MMP26: variants seen among roughly 807,000 people sequenced by gnomAD.
MMP26 encodes the protein matrix metallopeptidase 26.
MMP26 carries 33 observed loss-of-function variants against 31.0 expected under a neutral mutation model. The observed-to-expected ratio is 1.06, with a 90% confidence interval of 0.81 to 1.42. The LOEUF (loss-of-function observed/expected upper bound fraction) is 1.42. Among genes scored for constraint, MMP26 ranks in the 40% most tolerant of loss-of-function variants. The pLI is 0.00. For synonymous variants in MMP26, 122 were observed against 114.9 expected, an observed-to-expected ratio of 1.06 and a Z score of -0.40; for missense variants, 347 against 316.1, an observed-to-expected ratio of 1.10 and a Z score of -0.74.
At chr11:4,778,304 T>C (rs973596610) in intron 2 of MMP26, among the ~76,000 whole-genome samples, 4 of 152,088 alleles carry the variant, frequency 2.6e-5, no homozygotes, top group Non-Finnish European at 5.9e-5. Context: ...TTCCATTGAG[T>C]TGTGCCCTTT....
chr11:4,831,754 C>T (rs753218554), intron 2 of MMP26, among the ~76,000 whole-genome samples: 1 of 152,014 alleles, frequency 6.6e-6, no homozygotes, highest in Non-Finnish European at 1.5e-5. Flanking sequence ...TGACCACATG[C>T]GTGATAGTAG....
intron 2 of MMP26, among the ~76,000 whole-genome samples, chr11:4,811,072 A>G (rs181267357): frequency 1.3e-5 from 2 of 152,340 alleles, no homozygotes; most frequent in East Asian, 1.9e-4. Flanking sequence ...CTACAAAATC[A>G]GAAGTACCAT....
In MMP26 at chr11:4,949,580, A is replaced by G. The variant is rs143381614; in HGVS notation, c.-144-38488A>G. ...TAAAGCAGTTCCTATACAGAAAATT[A>G]TAGGTTAAATTTATTTATTAGGAAA... is the stretch of plus-strand genomic sequence containing the variant. On this transcript the variant is annotated intron_variant, in intron 2 of 7. Transcript: ENST00000380390. Among the ~76,000 whole-genome samples, 78 of 123,092 alleles carry G rather than the reference A, an allele frequency of 6.3e-4. 17 individuals carry two copies. The highest frequency in any genetic ancestry group is 2.1e-3 in the African/African-American group (76 of 36,606). The allele number at this position is 123,092 out of a possible 152,430, so 80.8% of individuals were successfully genotyped here.
At chr11:4,817,915 G>A (rs1376216163) in intron 2 of MMP26, among the ~76,000 whole-genome samples, 2 of 152,096 alleles carry the variant, frequency 1.3e-5, no homozygotes, top group Non-Finnish European at 2.9e-5. Flanking sequence ...TCCTCTGTTG[G>A]GAGCCAGGTA....
At chr11:4,895,605 A>G (rs544226545) in intron 2 of MMP26, among the ~76,000 whole-genome samples, 2 of 152,348 alleles carry the variant, frequency 1.3e-5, no homozygotes, top group East Asian at 3.9e-4. Flanking sequence ...AGTGAAGTGA[A>G]TAGTGCCAAC....
chr11:4,864,078 T>C (rs533874664), intron 2 of MMP26, among the ~76,000 whole-genome samples: 1 of 152,252 alleles, frequency 6.6e-6, no homozygotes, highest in African/African-American at 2.4e-5. Context: ...GATGACAGTG[T>C]TGCAATTTGA....
In MMP26 at chr11:4,821,238, C is replaced by T. The variant is rs1211151571; in HGVS notation, c.-145+53897C>T. ...TTCACTTTTCTCAATAAATGTGAAA[C>T]ACTGACAGACTTGGAGAGAAATGTG... On this transcript the variant is annotated intron_variant, in intron 2 of 7. Coordinates refer to ENST00000380390, the MANE Select transcript of MMP26 (RefSeq NM_021801.5). 7.5e-6 allele frequency: 5 copies of T among 670,690 alleles called. No homozygotes were observed. In the Admixed American group the frequency reaches 1.4e-4, roughly 19 times the overall value. 41.5% of individuals were successfully genotyped at this position (670,690 alleles called of 1,614,324 possible). A position where few individuals can be genotyped will look rare whatever the true frequency, so the allele number is the denominator to read the frequency against.
At chr11:4,925,280 C>T (rs886615923) in intron 2 of MMP26, among the ~76,000 whole-genome samples, 2 of 152,042 alleles carry the variant, frequency 1.3e-5, no homozygotes, top group African/African-American at 2.4e-5. Flanking sequence ...GACATTAAAC[C>T]GTATTTTCCC....
chr11:4,924,902 T>C (rs1162473662), intron 2 of MMP26, among the ~76,000 whole-genome samples: 1 of 152,234 alleles, frequency 6.6e-6, no homozygotes, highest in African/African-American at 2.4e-5. Flanking sequence ...TCTGTTCCTG[T>C]AATATCTGAA....
In MMP26 at chr11:4,843,213, G is replaced by A. The variant is rs565128834; in HGVS notation, c.-145+75872G>A. 3.9e-4 allele frequency among the ~76,000 whole-genome samples: 59 copies of A among 152,310 alleles called. 2 individuals carry two copies. In the South Asian group the frequency reaches 0.012, roughly 30 times the overall value. On this transcript the variant is annotated intron_variant, in intron 2 of 7. Transcript: ENST00000380390. Reference sequence around the variant, plus strand: ...CTGCCATTCTGGAGTATGGATAATGGTGGCTCTCTTCTCACAGATCCATTA... The same window carrying A: ...CTGCCATTCTGGAGTATGGATAATGATGGCTCTCTTCTCACAGATCCATTA...
intron 2 of MMP26, among the ~76,000 whole-genome samples, chr11:4,903,338 G>A (rs886812097): frequency 3.3e-5 from 5 of 151,996 alleles, no homozygotes; most frequent in African/African-American, 1.2e-4. Context: ...GGAATGACTG[G>A]TAAACCATTT....
At chr11:4,888,106 T>C (rs952103381) in intron 2 of MMP26, among the ~76,000 whole-genome samples, 2 of 152,144 alleles carry the variant, frequency 1.3e-5, no homozygotes, top group African/African-American at 4.8e-5. Context: ...GAAATAACAG[T>C]AATTACTTGT....
chr11:4,977,684 A>G (rs1450833917), intron 2 of MMP26, among the ~76,000 whole-genome samples: 2 of 152,050 alleles, frequency 1.3e-5, no homozygotes, highest in Non-Finnish European at 2.9e-5. Context: ...CAGAATTCAT[A>G]TAGGCCTTTT....
At chr11:4,737,433 C>T (rs969414462) in intron 1 of MMP26, among the ~76,000 whole-genome samples, 4 of 152,096 alleles carry the variant, frequency 2.6e-5, no homozygotes, top group Non-Finnish European at 5.9e-5. Context: ...CACCTGAGGT[C>T]GGGAGTTTGA....
intron 2 of MMP26, chr11:4,848,156 T>C (rs1849901609): frequency 3.5e-6 from 5 of 1,436,618 alleles, no homozygotes; most frequent in South Asian, 1.3e-5. Flanking sequence ...TGAATGATCA[T>C]TTCATGCTTG....
rs566121106 is a variant in MMP26, at chr11:4,843,680, A to G, written c.-145+76339A>G. On this transcript the variant is annotated intron_variant, in intron 2 of 7. Transcript: ENST00000380390. ...TGAAGGTCTGAAATACCTGGGAGACATTTTCCCCATTGTGGTGGCTATTAA... is the reference window on the plus strand; with the variant it reads ...TGAAGGTCTGAAATACCTGGGAGACGTTTTCCCCATTGTGGTGGCTATTAA... Among the ~76,000 whole-genome samples the G allele has an allele frequency of 2.6e-5, 4 of 152,264 alleles. No homozygotes were observed. The South Asian group carries it at 6.2e-4, about 24-fold the overall frequency.
chr11:4,923,666 C>G (rs143904984), intron 2 of MMP26: 2 of 1,613,710 alleles, frequency 1.2e-6, no homozygotes, highest in Non-Finnish European at 1.7e-6. Context: ...GAGCACGGTG[C>G]GAAGGATGAG....
At chr11:4,864,173 AG>A (rs1850203892) in intron 2 of MMP26, among the ~76,000 whole-genome samples, 1 of 152,222 alleles carries the variant, frequency 6.6e-6, no homozygotes, top group Non-Finnish European at 1.5e-5. Context: ...TATAAAAAAA[AG>A]ATCTTTGAAT....
intron 2 of MMP26, among the ~76,000 whole-genome samples, chr11:4,773,473 A>T (rs1200867968): frequency 6.6e-6 from 1 of 152,162 alleles, no homozygotes. Flanking sequence ...AACACTTCAT[A>T]AGCTTGGAAG....
Sources: allele counts gnomAD v4.1 joint callset (sites outside exome capture counted in the v4.1 genomes callset), GRCh38; gene constraint gnomAD v4.1.1; transcripts MANE v1.5; gene names NCBI Gene and HGNC (gene_info 2026-07-23, HGNC 2026-07-21).